The following RPN2 variants were observed in gnomAD, a reference collection of about 807,000 sequenced individuals.
RPN2 encodes the protein ribophorin II, also known as dolichyl-diphosphooligosaccharide--protein glycosyltransferase subunit 2.
Under a neutral mutation model 71.4 loss-of-function variants are expected in RPN2, and 29 were observed. The ratio of observed to expected loss-of-function variants is 0.41; its 90% CI spans 0.30 to 0.55. The LOEUF is 0.55. Ranked by LOEUF, RPN2 falls within the 20% of genes least tolerant of loss-of-function variation. The pLI is 0.35. For synonymous variants in RPN2, 308 were observed against 305.0 expected (o/e 1.01, Z -0.10); for missense variants, 726 against 774.1 (o/e 0.94, Z 0.74).
In RPN2 at chr20:37,184,148, T is replaced by C. The variant is rs375013035; in HGVS notation, c.14-32T>C. 7.4e-6 allele frequency: 12 copies of C among 1,612,790 alleles called. No homozygotes were observed. The African/African-American group carries it at 1.6e-4, about 21-fold the overall frequency. On this transcript the variant is annotated intron_variant, in intron 1 of 16. Transcript: ENST00000237530. Reference sequence around the variant, plus strand: ...CTGTGTATAGCACCTTGGAAGAGTGTAGAGTGTACTGAATGGTTGTTTCCC... The same window carrying C: ...CTGTGTATAGCACCTTGGAAGAGTGCAGAGTGTACTGAATGGTTGTTTCCC...
intron 1 of RPN2, among the ~76,000 whole-genome samples, chr20:37,180,249 G>C (rs937881219): frequency 2.0e-5 from 3 of 152,210 alleles, no homozygotes; most frequent in African/African-American, 7.2e-5. Flanking sequence ...AGAAGTTCAG[G>C]ATAGTAAAGT....
chr20:37,219,153 C>G (rs565790950), intron 9 of RPN2, among the ~76,000 whole-genome samples: 2 of 152,248 alleles, frequency 1.3e-5, no homozygotes, highest in African/African-American at 2.4e-5. Context: ...TGTGAGGGTT[C>G]CAATTTTACT....
chr20:37,179,337 G>A lies in RPN2; in HGVS notation c.-20G>A. 2 of 1,407,956 alleles carry A rather than the reference G, an allele frequency of 1.4e-6. No homozygotes were observed. Among genetic ancestry groups the A allele is most frequent in the Non-Finnish European group, 1.9e-6 (2 of 1,078,258 alleles). 87.2% of individuals were successfully genotyped at this position (1,407,956 alleles called of 1,614,324 possible). A position where few individuals can be genotyped will look rare whatever the true frequency, so the allele number is the denominator to read the frequency against. On this transcript the variant is annotated 5_prime_UTR_variant, in exon 1 of 17. Transcript: ENST00000237530. ...GAAGTCAGCCCGCGGCTCGGACTCC[G>A]GCGGGACCTGCTCGGAGGAATGGCG...
rs375600917 is a variant in RPN2, at chr20:37,216,662, A to T, written c.1092+2797A>T. 2.6e-4 allele frequency among the ~76,000 whole-genome samples: 40 copies of T among 152,034 alleles called. No individual in the cohort carries two copies. The East Asian group carries it at 6.1e-3, about 23-fold the overall frequency. ...TTTTTAGTAGATACAGGGTTTTGCT[A>T]TATTAGCCAGGCTGGTCTCCAACTT... On this transcript the variant is annotated intron_variant, in intron 9 of 16. Transcript: ENST00000237530.
chr20:37,203,722 A>G (rs1158953078), intron 4 of RPN2, among the ~76,000 whole-genome samples, 163 bp from the exon 5 acceptor site: 1 of 152,218 alleles, frequency 6.6e-6, no homozygotes, highest in Non-Finnish European at 1.5e-5. Flanking sequence ...GTTTTGTCAC[A>G]TCTGTCCTAA....
intron 9 of RPN2, among the ~76,000 whole-genome samples, chr20:37,222,517 CTTTA>C (rs377470436): frequency 5.9e-5 from 9 of 152,104 alleles, no homozygotes; most frequent in African/African-American, 2.2e-4. Flanking sequence ...TGATAGGTAT[CTTTA>C]TTTTTAATTT....
At chr20:37,191,037 A>G (rs1006892270) in intron 2 of RPN2, among the ~76,000 whole-genome samples, 3 of 152,162 alleles carry the variant, frequency 2.0e-5, no homozygotes, top group East Asian at 1.9e-4. Flanking sequence ...ACTGTTGCCT[A>G]TTCTCACAGA....
intron 4 of RPN2, among the ~76,000 whole-genome samples, chr20:37,203,660 T>A (rs990836771): frequency 1.1e-4 from 16 of 152,246 alleles, no homozygotes; most frequent in African/African-American, 3.9e-4. Flanking sequence ...ACGGTTCTTC[T>A]TGCCAGTTCT....
chr20:37,213,624 A>G (rs2067730989), intron 8 of RPN2, 136 bp from the exon 9 acceptor site: 2 of 717,512 alleles, frequency 2.8e-6, no homozygotes, highest in African/African-American at 3.5e-5. Flanking sequence ...AGATTGCCCA[A>G]GTGGGGTGGG....
At chr20:37,184,956 C>T (rs1270183193) in intron 2 of RPN2, among the ~76,000 whole-genome samples, 1 of 152,060 alleles carries the variant, frequency 6.6e-6, no homozygotes, top group Non-Finnish European at 1.5e-5. Flanking sequence ...GTGAGACTGT[C>T]CAATAACACA....
chr20:37,213,100 C>T, intron 8 of RPN2, among the ~76,000 whole-genome samples: 1 of 152,150 alleles, frequency 6.6e-6, no homozygotes. Flanking sequence ...CACAATTATA[C>T]TATCGTACAC....
At chr20:37,237,112 A>G (rs1477741187) in intron 16 of RPN2, among the ~76,000 whole-genome samples, 1 of 151,912 alleles carries the variant, frequency 6.6e-6, no homozygotes, top group Admixed American at 6.6e-5. Flanking sequence ...TCACAGCTCC[A>G]GGAGCTTGTC....
chr20:37,214,841 C>G (rs531360053), intron 9 of RPN2, among the ~76,000 whole-genome samples: 41 of 152,000 alleles, frequency 2.7e-4, no homozygotes, highest in Non-Finnish European at 5.0e-4. Flanking sequence ...TGTTTTTCTG[C>G]TTGTATTTAA....
chr20:37,200,354 AT>A (rs11482444), intron 4 of RPN2: 6,520 of 370,906 alleles, frequency 0.018, 2 homozygotes, highest in South Asian at 0.03. Context: ...GCCGGTTGTA[AT>A]TTTTTTTTTT....
chr20:37,184,966 A>G (rs2066974393), intron 2 of RPN2, among the ~76,000 whole-genome samples: 1 of 152,166 alleles, frequency 6.6e-6, no homozygotes, highest in South Asian at 2.1e-4. Context: ...CCAATAACAC[A>G]TGTACTTACT....
chr20:37,191,386 G>T (rs2067136675), intron 2 of RPN2, among the ~76,000 whole-genome samples: 1 of 151,900 alleles, frequency 6.6e-6, no homozygotes, highest in South Asian at 2.1e-4. Flanking sequence ...CGAGGCAGGA[G>T]AATTGCTTGA....
chr20:37,235,672 G>A (rs1347474683), intron 15 of RPN2, among the ~76,000 whole-genome samples: 2 of 151,942 alleles, frequency 1.3e-5, no homozygotes, highest in Non-Finnish European at 2.9e-5. Flanking sequence ...TTTTTGAGAT[G>A]GAGTCTTGCT....
At chr20:37,198,706 C>T (rs1233738196) in intron 3 of RPN2, among the ~76,000 whole-genome samples, 1 of 151,208 alleles carries the variant, frequency 6.6e-6, no homozygotes. Flanking sequence ...CCTTTTTGTA[C>T]AGTTTTTGCT....
At chr20:37,236,245 A>G (rs919177593) in intron 15 of RPN2, among the ~76,000 whole-genome samples, 14 of 151,978 alleles carry the variant, frequency 9.2e-5, no homozygotes, top group African/African-American at 2.9e-4. Flanking sequence ...GACATGGACC[A>G]TTACGCCTGA....
Sources: gnomAD v4.1 joint callset for allele counts (sites outside exome capture counted in the v4.1 genomes callset) on GRCh38, gnomAD v4.1.1 for gene constraint, MANE v1.5 for transcripts, NCBI Gene and HGNC (gene_info 2026-07-23, HGNC 2026-07-21) for gene names.